The following TBC1D22A variants were observed in gnomAD, a reference collection of about 807,000 sequenced individuals.
TBC1D22A encodes the protein putative GTPase activator.
In TBC1D22A, 38 loss-of-function variants were observed where a neutral mutation model predicts 60.2. The observed-to-expected ratio is 0.63, with a 90% CI of 0.49 to 0.83. The LOEUF (loss-of-function observed/expected upper bound fraction) is 0.83, where lower values mean the gene tolerates loss of function less well. TBC1D22A is among the 40% of genes least tolerant of loss of function. The pLI is 0.00. For missense variants in TBC1D22A, 628 were observed against 701.0 expected (o/e 0.90, Z 1.18); for synonymous variants, 302 against 281.7 (o/e 1.07, Z -0.72).
intron 4 of TBC1D22A, among the ~76,000 whole-genome samples, chr22:46,829,697 G>A (rs532713225): frequency 1.3e-5 from 2 of 152,322 alleles, no homozygotes; most frequent in Admixed American, 6.5e-5. Context: ...TATTCATCCC[G>A]ATGGGGCCAG....
At chr22:47,104,632 T>C (rs1212567104) in intron 11 of TBC1D22A, among the ~76,000 whole-genome samples, 3 of 150,514 alleles carry the variant, frequency 2.0e-5, no homozygotes, top group Non-Finnish European at 4.4e-5. Flanking sequence ...GAGGCAGAGG[T>C]TGCAGTGAAC....
chr22:46,835,137 C>G (rs1602074314), intron 4 of TBC1D22A, among the ~76,000 whole-genome samples: 1 of 152,256 alleles, frequency 6.6e-6, no homozygotes, highest in Admixed American at 6.5e-5. Flanking sequence ...GAAGATCTTT[C>G]TCTTCTGAAG....
rs556834520 is a variant in TBC1D22A, at chr22:46,909,091, G to T, written c.901-2983G>T. Among the ~76,000 whole-genome samples the T allele has an allele frequency of 7.9e-5, 12 of 152,314 alleles. 1 individual carries two copies. Among genetic ancestry groups the T allele is most frequent in the African/African-American group, 2.9e-4 (12 of 41,562 alleles). On this transcript the variant is annotated intron_variant, in intron 7 of 12. Transcript: ENST00000337137. The stretch of plus-strand genomic sequence containing the variant: ...CGGCATCCTCCCTGGGTGAAGTTGG[G>T]TATGTCCTATTTGCCAAATTGGTTT...
intron 11 of TBC1D22A, among the ~76,000 whole-genome samples, chr22:47,058,709 C>T (rs1285881431): frequency 2.0e-5 from 3 of 152,104 alleles, no homozygotes; most frequent in Admixed American, 6.5e-5. Flanking sequence ...CACAGTGGCT[C>T]TGCCCCACCA....
At chr22:46,820,940 T>C (rs908470008) in intron 4 of TBC1D22A, among the ~76,000 whole-genome samples, 1 of 152,192 alleles carries the variant, frequency 6.6e-6, no homozygotes, top group East Asian at 1.9e-4. Flanking sequence ...TCAGAATAGT[T>C]AGCTCTTCTT....
At chr22:47,093,799 G>C (rs1467432265) in intron 11 of TBC1D22A, among the ~76,000 whole-genome samples, 3 of 152,156 alleles carry the variant, frequency 2.0e-5, no homozygotes, top group Non-Finnish European at 4.4e-5. Context: ...CATTATTCTG[G>C]ATGTCTCTCC....
chr22:46,888,604 C>T (rs957623182), intron 5 of TBC1D22A, among the ~76,000 whole-genome samples: 34 of 152,260 alleles, frequency 2.2e-4, no homozygotes, highest in African/African-American at 7.9e-4. Flanking sequence ...GACCAGGAGC[C>T]CAGTCAGACT....
intron 12 of TBC1D22A, among the ~76,000 whole-genome samples, chr22:47,127,363 G>A (rs1354699902): frequency 6.6e-6 from 1 of 150,410 alleles, no homozygotes; most frequent in Non-Finnish European, 1.5e-5. Flanking sequence ...GAGTAGCTGG[G>A]ATTACAGGTG....
At chr22:47,109,285 A>G (rs950790603) in intron 11 of TBC1D22A, among the ~76,000 whole-genome samples, 7 of 152,242 alleles carry the variant, frequency 4.6e-5, no homozygotes, top group African/African-American at 1.4e-4. Context: ...ACTCACTGTC[A>G]TAATGGGAGT....
intron 10 of TBC1D22A, among the ~76,000 whole-genome samples, chr22:47,018,810 G>C (rs973027600): frequency 6.6e-6 from 1 of 152,124 alleles, no homozygotes; most frequent in Non-Finnish European, 1.5e-5. Flanking sequence ...GATCCTGGGT[G>C]GGACGAGTGG....
chr22:47,096,501 G>A (rs1428331194), intron 11 of TBC1D22A, among the ~76,000 whole-genome samples: 1 of 152,138 alleles, frequency 6.6e-6, no homozygotes, highest in Non-Finnish European at 1.5e-5. Context: ...AAATTTGGGG[G>A]TAGTTAACTT....
chr22:46,935,217 A>G (rs936734003), intron 8 of TBC1D22A, among the ~76,000 whole-genome samples: 10 of 152,356 alleles, frequency 6.6e-5, no homozygotes, highest in South Asian at 2.1e-4. Context: ...GTAGAGTCCA[A>G]CATTAGCACC....
At chr22:46,831,743 T>C (rs990920398) in intron 4 of TBC1D22A, among the ~76,000 whole-genome samples, 1 of 152,188 alleles carries the variant, frequency 6.6e-6, no homozygotes, top group Non-Finnish European at 1.5e-5. Flanking sequence ...ACAATGCACC[T>C]ATAAATTGGG....
At chr22:46,957,868 A>G (rs1237862620) in intron 8 of TBC1D22A, among the ~76,000 whole-genome samples, 1 of 152,234 alleles carries the variant, frequency 6.6e-6, no homozygotes, top group Non-Finnish European at 1.5e-5. Flanking sequence ...TGCATGGAAC[A>G]CGTTTCTAAC....
At chr22:47,138,806 C>G (rs1481788903) in intron 12 of TBC1D22A, among the ~76,000 whole-genome samples, 2 of 152,216 alleles carry the variant, frequency 1.3e-5, no homozygotes, top group Admixed American at 1.3e-4. Context: ...GGTTCATAGA[C>G]AGCACCCTCT....
At chr22:47,017,180 C>T (rs1005098094) in intron 10 of TBC1D22A, among the ~76,000 whole-genome samples, 4 of 152,136 alleles carry the variant, frequency 2.6e-5, no homozygotes, top group Non-Finnish European at 5.9e-5. Flanking sequence ...TGCGGGAGAC[C>T]TTTTAAGGAT....
intron 4 of TBC1D22A, among the ~76,000 whole-genome samples, chr22:46,866,467 C>G (rs1425849829): frequency 2.6e-5 from 4 of 152,212 alleles, no homozygotes; most frequent in African/African-American, 9.6e-5. Context: ...CACTGAACAT[C>G]CACTTAATGA....
chr22:46,997,529 C>A, intron 9 of TBC1D22A, 105 bp from the exon 10 acceptor site: 1 of 820,360 alleles, frequency 1.2e-6, no homozygotes, highest in South Asian at 1.6e-5. Flanking sequence ...TTTGTGAATT[C>A]GTCCTATTAT....
intron 12 of TBC1D22A, among the ~76,000 whole-genome samples, chr22:47,126,253 A>G (rs2147102252): frequency 6.6e-6 from 1 of 152,324 alleles, no homozygotes; most frequent in Non-Finnish European, 1.5e-5. Context: ...AAGTGCTGGG[A>G]TTACAGGCAT....
Sources: allele counts gnomAD v4.1 joint callset (sites outside exome capture counted in the v4.1 genomes callset), GRCh38; gene constraint gnomAD v4.1.1; transcripts MANE v1.5; gene names NCBI Gene and HGNC (gene_info 2026-07-23, HGNC 2026-07-21).